Variants in ATP8B1 observed in about 807,000 individuals in gnomAD.
ATP8B1 encodes the protein ATPase phospholipid transporting 8B1, also known as phospholipid-transporting ATPase IC.
Under a neutral mutation model 149.9 loss-of-function variants are expected in ATP8B1, and 80 were observed. The ratio of observed to expected loss-of-function variants is 0.53; its 90% CI spans 0.45 to 0.64. The LOEUF (loss-of-function observed/expected upper bound fraction) is 0.64, where lower values mean the gene tolerates loss of function less well. Ranked by LOEUF, ATP8B1 falls within the 30% of genes least tolerant of loss-of-function variation. The pLI is 0.00. For synonymous variants in ATP8B1, 536 were observed against 562.8 expected (o/e 0.95, Z 0.67); for missense variants, 1,247 against 1,552.6 (o/e 0.80, Z 3.31).
chr18:57,695,135 A>G (rs1599124905), intron 10 of ATP8B1, 36 bp downstream of exon 10: 1 of 1,612,348 alleles, frequency 6.2e-7, no homozygotes, highest in Non-Finnish European at 8.5e-7. Flanking sequence ...TTTAAAGATC[A>G]TAGCTGATTA....
At chr18:57,713,555 A>G (rs1438638620) in intron 2 of ATP8B1, among the ~76,000 whole-genome samples, 10 of 151,122 alleles carry the variant, frequency 6.6e-5, no homozygotes, top group Admixed American at 6.6e-4. Flanking sequence ...CAGTGGTGCG[A>G]TCTCAGCTCA....
chr18:57,773,778 C>T (rs945768353), intron 1 of ATP8B1, among the ~76,000 whole-genome samples: 1 of 152,114 alleles, frequency 6.6e-6, no homozygotes, highest in African/African-American at 2.4e-5. Context: ...TCCCTCCTAC[C>T]CTGCTCCCTA....
intron 22 of ATP8B1, among the ~76,000 whole-genome samples, chr18:57,656,153 C>A (rs146186448): frequency 5.9e-4 from 90 of 152,168 alleles, no homozygotes; most frequent in Middle Eastern, 3.4e-3. Flanking sequence ...CCAGCCTAGA[C>A]CCTGCTTCTG....
intron 26 of ATP8B1, among the ~76,000 whole-genome samples, chr18:57,650,786 G>A (rs920535445): frequency 2.0e-5 from 3 of 152,026 alleles, no homozygotes; most frequent in Non-Finnish European, 4.4e-5. Context: ...GCAGTGAGCC[G>A]AAATTGTGCC....
At chr18:57,682,101 T>C (rs1456201402) in intron 15 of ATP8B1, among the ~76,000 whole-genome samples, 1 of 151,084 alleles carries the variant, frequency 6.6e-6, no homozygotes, top group Non-Finnish European at 1.5e-5. Context: ...GCCTGCCAGG[T>C]TCAAGCGATT....
intron 1 of ATP8B1, among the ~76,000 whole-genome samples, chr18:57,742,569 C>T (rs1390515668): frequency 2.0e-5 from 3 of 152,138 alleles, no homozygotes; most frequent in Non-Finnish European, 4.4e-5. Flanking sequence ...TGGTGGCTCA[C>T]ACCTGTAATC....
chr18:57,704,247 C>T (rs566842522), intron 4 of ATP8B1, among the ~76,000 whole-genome samples: 6 of 152,274 alleles, frequency 3.9e-5, no homozygotes, highest in South Asian at 4.1e-4. Flanking sequence ...GGATTATAGG[C>T]GTGGGCCACT....
chr18:57,731,396 A>G (rs2079764238), intron 2 of ATP8B1: 7 of 413,190 alleles, frequency 1.7e-5, no homozygotes, highest in Non-Finnish European at 3.1e-5. Context: ...CAAAGACCTT[A>G]ATGTATTTTC....
intron 1 of ATP8B1, among the ~76,000 whole-genome samples, chr18:57,770,241 A>G (rs2080253034): frequency 6.6e-6 from 1 of 152,034 alleles, no homozygotes; most frequent in Non-Finnish European, 1.5e-5. Context: ...GCTAATGAGA[A>G]CTGCTTTTTC....
At chr18:57,688,190 C>T (rs1912350943) in intron 13 of ATP8B1, 109 bp downstream of exon 13, 2 of 1,228,402 alleles carry the variant, frequency 1.6e-6, no homozygotes, top group East Asian at 2.4e-5. Flanking sequence ...CAGGACTCTG[C>T]ATCGAGAGGG....
At position 57,652,646 on chromosome 18, in the gene ATP8B1, G is replaced by A; in HGVS notation, c.3099C>T (p.Phe1033=). The change falls in exon 25 of 28, where the codon TTC becomes TTT. Residue 1033 remains phenylalanine, a synonymous_variant. Coordinates refer to ENST00000648908, the MANE Select transcript of ATP8B1 (RefSeq NM_001374385.1). ...QRDLLFNYKR[F]FVSLLHGVLT... ...GGACCCCATGCAACAAGCTTACAAA[G>A]AATCTCTTATAGTTGAATAGTAAGT... The A allele has an allele frequency of 1.2e-6, 2 of 1,614,186 alleles. No homozygotes were observed. The highest frequency in any genetic ancestry group is 4.5e-5 in the East Asian group (2 of 44,884).
At chr18:57,771,635 C>T (rs772984541) in intron 1 of ATP8B1, among the ~76,000 whole-genome samples, 15 of 152,134 alleles carry the variant, frequency 9.9e-5, no homozygotes, top group Non-Finnish European at 1.6e-4. Flanking sequence ...CCACATACAG[C>T]AGCAGGAGTT....
chr18:57,697,519 C>T, intron 8 of ATP8B1, 99 bp downstream of exon 8: 1 of 1,287,220 alleles, frequency 7.8e-7, no homozygotes, highest in Admixed American at 1.7e-5. Flanking sequence ...AGAGGCAAGG[C>T]CAGATATCAA....
rs142991333 is a variant in ATP8B1, at chr18:57,714,621, A to AAG, written c.182-8036_182-8035dup. On this transcript the variant is annotated intron_variant, in intron 2 of 27. Coordinates refer to ENST00000648908, the MANE Select transcript of ATP8B1 (RefSeq NM_001374385.1). ...AAGGGGGAGAGAGAAAGAGCAAAAA[A>AAG]AGAGAGAGAGAGAGATTGATTCTGT... is the stretch of plus-strand genomic sequence containing the variant. Among the ~76,000 whole-genome samples the AAG allele has an allele frequency of 1.7e-4, 22 of 132,614 alleles. No individual in the cohort carries two copies. The East Asian group carries it at 2.8e-3, about 17-fold the overall frequency. 87.0% of individuals were successfully genotyped at this position (132,614 alleles called of 152,430 possible).
intron 14 of ATP8B1, among the ~76,000 whole-genome samples, chr18:57,684,789 A>G (rs929061629): frequency 3.9e-5 from 6 of 152,234 alleles, no homozygotes; most frequent in African/African-American, 1.4e-4. Flanking sequence ...GGTCATACTC[A>G]ATTAGGGTAG....
At position 57,648,588 on chromosome 18, in the gene ATP8B1, T is replaced by C. The variant is rs765883074; in HGVS notation, c.3656A>G (p.Asp1219Gly). The change falls in exon 28 of 28, where the codon GAC becomes GGC. Residue 1219 changes from aspartate (D) to glycine (G), a missense_variant. Around this residue, in one of 3 missense-constraint regions of ATP8B1, gnomAD observed 164 missense variants for 160.3 expected, o/e 1.02. Transcript: ENST00000648908. ...YAFSHQRGYADLISSGRSIRK... is the reference protein window; with the variant it reads ...YAFSHQRGYAGLISSGRSIRK... ...GATGCTGCGCCCGGAGGAGATGAGG[T>C]CCGCGTAGCCCCGCTGGTGCGAGAA... is the stretch of plus-strand genomic sequence containing the variant. 2 of 1,611,144 alleles carry C rather than the reference T, an allele frequency of 1.2e-6. No homozygotes were observed. The highest frequency in any genetic ancestry group is 1.7e-6 in the Non-Finnish European group (2 of 1,179,850).
Position 57,737,576 on chromosome 18 carries a change from TTC to T in ATP8B1, c.-25-5746_-25-5745del, listed in dbSNP as rs1491397756. 1.0e-3 allele frequency among the ~76,000 whole-genome samples: 11 copies of T among 10,840 alleles called. 1 individual carries two copies. The highest frequency in any genetic ancestry group is 3.9e-3 in the Non-Finnish European group (4 of 1,026). 7.1% of individuals were successfully genotyped at this position (10,840 alleles called of 152,430 possible). ...CTTTTTTTTTCTTTCTTTTCTTTCT[TTC>T]TTTTTTTTAAAGAGATAGGCTCTCC... On this transcript the variant is annotated intron_variant, in intron 1 of 27. Coordinates refer to ENST00000648908, the MANE Select transcript of ATP8B1 (RefSeq NM_001374385.1).
At chr18:57,773,201 TA>T (rs34028925) in intron 1 of ATP8B1, among the ~76,000 whole-genome samples, 71 of 139,442 alleles carry the variant, frequency 5.1e-4, no homozygotes, top group South Asian at 1.8e-3. Flanking sequence ...GACTCTGTCT[TA>T]AAAAAAAAAA....
chr18:57,734,785 G>A (rs1186105179), intron 1 of ATP8B1, among the ~76,000 whole-genome samples: 2 of 151,968 alleles, frequency 1.3e-5, no homozygotes, highest in Non-Finnish European at 2.9e-5. Flanking sequence ...TTTACCTCTG[G>A]CCTTAGCTTT....
Sources: gnomAD v4.1 joint callset for allele counts (sites outside exome capture counted in the v4.1 genomes callset) on GRCh38, gnomAD v4.1.1 for gene constraint, gnomAD v4.1.1 regional missense constraint, MANE v1.5 for transcripts, NCBI Gene and HGNC (gene_info 2026-07-23, HGNC 2026-07-21) for gene names.